UBE2W: variants seen among roughly 807,000 people sequenced by gnomAD.
The protein encoded by UBE2W is ubiquitin conjugating enzyme E2 W.
In UBE2W, 18 loss-of-function variants were observed where a neutral mutation model predicts 27.2. The ratio of observed to expected loss-of-function variants is 0.66; its 90% CI spans 0.46 to 0.98. UBE2W has a LOEUF of 0.98. Among genes scored for constraint, UBE2W ranks in the 50% least tolerant of loss-of-function variants. The probability of loss-of-function intolerance (pLI) is 0.00; values close to 1 mark genes in which losing one functional copy is unlikely to be tolerated. For synonymous variants in UBE2W, 53 were observed against 57.2 expected, an observed-to-expected ratio of 0.93 and a Z score of 0.33; for missense variants, 90 against 180.2, an observed-to-expected ratio of 0.50 and a Z score of 2.87.
chr8:73,823,687 AT>A (rs1809714615), intron 3 of UBE2W, among the ~76,000 whole-genome samples: 1 of 152,236 alleles, frequency 6.6e-6, no homozygotes, highest in Non-Finnish European at 1.5e-5. Flanking sequence ...AGAGGTCACA[AT>A]AGCACATACC....
intron 5 of UBE2W, among the ~76,000 whole-genome samples, chr8:73,798,384 T>G (rs1808509012): frequency 6.6e-6 from 1 of 152,204 alleles, no homozygotes; most frequent in South Asian, 2.1e-4. Context: ...ATGTTTAGAC[T>G]TGGCTCCCAT....
In UBE2W at chr8:73,816,041, T is replaced by C. The variant is rs150759559; in HGVS notation, c.211-5412A>G. On this transcript the variant is annotated intron_variant, in intron 3 of 5. Transcript: ENST00000602593. Reference sequence around the variant, plus strand: ...TGACAAAAATGACTGGAGATTGGAATCTTAGCATAGCTTTCCATTCAATTC... The same window carrying C: ...TGACAAAAATGACTGGAGATTGGAACCTTAGCATAGCTTTCCATTCAATTC... Among the ~76,000 whole-genome samples the C allele has an allele frequency of 9.6e-3, 1,459 of 152,340 alleles. 13 individuals are homozygous for C. Among genetic ancestry groups the C allele is most frequent in the Middle Eastern group, 0.044 (13 of 294 alleles).
chr8:73,844,939 C>G (rs1810715969), intron 1 of UBE2W, among the ~76,000 whole-genome samples: 1 of 149,610 alleles, frequency 6.7e-6, no homozygotes, highest in African/African-American at 2.5e-5. Context: ...AGTGAGGAGC[C>G]CCTCCGCCTG....
At chr8:73,861,349 A>C (rs958360618) in intron 1 of UBE2W, among the ~76,000 whole-genome samples, 1 of 152,202 alleles carries the variant, frequency 6.6e-6, no homozygotes, top group Non-Finnish European at 1.5e-5. Context: ...TACAAGGACT[A>C]GCAATAATAA....
chr8:73,802,958 A>C (rs1808710490), intron 5 of UBE2W, among the ~76,000 whole-genome samples: 1 of 152,152 alleles, frequency 6.6e-6, no homozygotes, highest in Admixed American at 6.5e-5. Context: ...TGGGAGGTGG[A>C]GCTTGCAGTG....
intron 1 of UBE2W, among the ~76,000 whole-genome samples, chr8:73,873,351 C>T (rs1465738328): frequency 6.6e-6 from 1 of 152,160 alleles, no homozygotes; most frequent in Non-Finnish European, 1.5e-5. Context: ...TCACTATAGC[C>T]AATTACTTGA....
chr8:73,812,453 C>T (rs1586465524), intron 3 of UBE2W, among the ~76,000 whole-genome samples: 1 of 151,760 alleles, frequency 6.6e-6, no homozygotes, highest in African/African-American at 2.4e-5. Context: ...CTTACATGGT[C>T]TTATAGTTCC....
At chr8:73,836,201 C>T (rs1810303253) in intron 1 of UBE2W, among the ~76,000 whole-genome samples, 1 of 152,060 alleles carries the variant, frequency 6.6e-6, no homozygotes, top group African/African-American at 2.4e-5. Flanking sequence ...ATTCACTGGA[C>T]CATGCTTTTT....
At position 73,792,988 on chromosome 8, in the gene UBE2W, T is replaced by C. The variant is rs1808264187; in HGVS notation, c.*1114A>G. On this transcript the variant is annotated 3_prime_UTR_variant, in exon 6 of 6. Coordinates refer to ENST00000602593, the MANE Select transcript of UBE2W (RefSeq NM_018299.6). ...CATTAAGCCTCTGTCAAAAATGTAT[T>C]TCTTATTTTAGGGTACAGGATTAAA... is the stretch of plus-strand genomic sequence containing the variant. The C allele has an allele frequency of 3.0e-6, 3 of 985,586 alleles. No homozygotes were observed. Among genetic ancestry groups the C allele is most frequent in the Non-Finnish European group, 3.6e-6 (3 of 829,684 alleles). 61.1% of individuals were successfully genotyped at this position (985,586 alleles called of 1,614,324 possible).
rs557161452 is a variant in UBE2W, at chr8:73,825,526, G to A, written c.108-277C>T. ...AGCAAACTAAATAAAACCCAAGGCC[G>A]GGTGTGGTGGCTCACACCTGTAATC... On this transcript the variant is annotated intron_variant, in intron 2 of 5. Coordinates refer to ENST00000602593, the MANE Select transcript of UBE2W (RefSeq NM_018299.6). Among the ~76,000 whole-genome samples the A allele has an allele frequency of 5.3e-5, 8 of 152,212 alleles. No individual in the cohort carries two copies. The South Asian group carries it at 1.0e-3, about 20-fold the overall frequency.
intron 3 of UBE2W, among the ~76,000 whole-genome samples, chr8:73,822,692 T>C (rs1443776790): frequency 1.4e-5 from 2 of 142,950 alleles, no homozygotes; most frequent in Non-Finnish European, 3.0e-5. Flanking sequence ...GCTGATATGG[T>C]AGGATCACTT....
intron 1 of UBE2W, among the ~76,000 whole-genome samples, chr8:73,843,719 G>A (rs191756033): frequency 1.5e-5 from 2 of 131,344 alleles, no homozygotes; most frequent in Admixed American, 1.7e-4. Flanking sequence ...ATGGCCTGAA[G>A]AAATTACCCA....
intron 3 of UBE2W, among the ~76,000 whole-genome samples, chr8:73,821,292 G>C (rs548560752): frequency 2.6e-5 from 4 of 152,104 alleles, no homozygotes; most frequent in African/African-American, 9.6e-5. Flanking sequence ...TTCATTAAAA[G>C]ATGTTAGAAA....
At chr8:73,839,290 T>C (rs1238106432) in intron 1 of UBE2W, among the ~76,000 whole-genome samples, 2 of 146,324 alleles carry the variant, frequency 1.4e-5, no homozygotes, top group Non-Finnish European at 3.0e-5. Context: ...CTACATCAAA[T>C]GAAATGATCC....
chr8:73,845,508 G>A (rs1317456795), intron 1 of UBE2W, among the ~76,000 whole-genome samples: 1 of 152,118 alleles, frequency 6.6e-6, no homozygotes, highest in African/African-American at 2.4e-5. Flanking sequence ...CTTGAAGGCA[G>A]CATACTCGTT....
At chr8:73,807,323 G>C (rs1375951361) in intron 4 of UBE2W, among the ~76,000 whole-genome samples, 1 of 152,172 alleles carries the variant, frequency 6.6e-6, no homozygotes, top group South Asian at 2.1e-4. Context: ...ATGAAAATAA[G>C]TGAATTTGGT....
intron 1 of UBE2W, among the ~76,000 whole-genome samples, chr8:73,874,184 C>A (rs1812121233): frequency 6.6e-6 from 1 of 152,198 alleles, no homozygotes; most frequent in South Asian, 2.1e-4. Context: ...GTAATCCCAG[C>A]ACTTTGGGAG....
chr8:73,808,240 CTTTTT>C (rs374505663), intron 4 of UBE2W, among the ~76,000 whole-genome samples: 1 of 151,420 alleles, frequency 6.6e-6, no homozygotes, highest in African/African-American at 2.4e-5. Context: ...AAATACTTTT[CTTTTT>C]TCTTTTTTGA....
intron 1 of UBE2W, among the ~76,000 whole-genome samples, chr8:73,854,293 A>AG (rs1811197988): frequency 6.6e-6 from 1 of 152,200 alleles, no homozygotes; most frequent in Non-Finnish European, 1.5e-5. Flanking sequence ...AAATAAATAA[A>AG]GTGGAAACAA....
Sources: gnomAD v4.1 joint callset for allele counts (sites outside exome capture counted in the v4.1 genomes callset) on GRCh38, gnomAD v4.1.1 for gene constraint, MANE v1.5 for transcripts, NCBI Gene and HGNC (gene_info 2026-07-23, HGNC 2026-07-21) for gene names.